The following SHISA6 variants were observed in gnomAD, a reference collection of about 807,000 sequenced individuals.
The protein encoded by SHISA6 is shisa family member 6.
In SHISA6, 22 loss-of-function variants were observed where a neutral mutation model predicts 47.9. That is an observed-to-expected ratio of 0.46 (90% confidence interval 0.33 to 0.66). The LOEUF (loss-of-function observed/expected upper bound fraction) is 0.66, where lower values mean the gene tolerates loss of function less well. SHISA6 is among the 30% of genes least tolerant of loss of function. The probability of loss-of-function intolerance (pLI) is 0.02; values close to 1 mark genes in which losing one functional copy is unlikely to be tolerated. For synonymous variants in SHISA6, 388 were observed against 337.8 expected (o/e 1.15, Z -1.63); for missense variants, 680 against 764.6 (o/e 0.89, Z 1.30).
At chr17:11,250,970 T>C (rs1907780003) in intron 1 of SHISA6, among the ~76,000 whole-genome samples, 1 of 152,060 alleles carries the variant, frequency 6.6e-6, no homozygotes, top group South Asian at 2.1e-4. Flanking sequence ...CTAACCTGCA[T>C]TATCTCGCTG....
intron 3 of SHISA6, among the ~76,000 whole-genome samples, chr17:11,491,782 T>TTTG (rs1916491762): frequency 2.0e-5 from 3 of 150,342 alleles, no homozygotes; most frequent in South Asian, 2.1e-4. Flanking sequence ...TTTTTTTTTT[T>TTTG]TTTTTTTGAG....
intron 2 of SHISA6, among the ~76,000 whole-genome samples, chr17:11,302,626 G>T (rs911911665): frequency 3.3e-5 from 5 of 152,200 alleles, no homozygotes; most frequent in Non-Finnish European, 5.9e-5. Flanking sequence ...TGAGGAAATA[G>T]CCTGAGTGCA....
intron 2 of SHISA6, among the ~76,000 whole-genome samples, chr17:11,378,614 T>G (rs956439652): frequency 6.6e-6 from 1 of 152,224 alleles, no homozygotes; most frequent in African/African-American, 2.4e-5. Context: ...ATTTTGAATG[T>G]CAGAAGTAGA....
intron 5 of SHISA6, 147 bp downstream of exon 5, chr17:11,556,039 C>T (rs1015987409): frequency 1.8e-6 from 2 of 1,096,532 alleles, no homozygotes; most frequent in African/African-American, 3.2e-5. Flanking sequence ...AGAGAATAGA[C>T]AAGCTCTTTG....
At chr17:11,414,825 C>G (rs569549292) in intron 3 of SHISA6, among the ~76,000 whole-genome samples, 2 of 152,274 alleles carry the variant, frequency 1.3e-5, no homozygotes, top group East Asian at 3.9e-4. Flanking sequence ...TGGTGGCTCA[C>G]GCCTGTAATC....
intron 2 of SHISA6, among the ~76,000 whole-genome samples, chr17:11,346,931 ATGTAATGAAT>A (rs1188150026): frequency 6.6e-6 from 1 of 152,170 alleles, no homozygotes; most frequent in African/African-American, 2.4e-5. Context: ...GTATCATTTG[ATGTAATGAAT>A]TGTTCTTTGA....
chr17:11,507,514 C>A (rs541127850), intron 3 of SHISA6, among the ~76,000 whole-genome samples: 1 of 152,338 alleles, frequency 6.6e-6, no homozygotes, highest in South Asian at 2.1e-4. Context: ...GTTTCCCACC[C>A]GCTGAGGAAA....
intron 3 of SHISA6, among the ~76,000 whole-genome samples, chr17:11,504,432 C>T (rs367897579): frequency 2.0e-5 from 3 of 152,128 alleles, no homozygotes; most frequent in East Asian, 3.9e-4. Flanking sequence ...CTGTCCTGAT[C>T]GTAGGAGCCC....
At chr17:11,502,734 T>A (rs2071465676) in intron 3 of SHISA6, among the ~76,000 whole-genome samples, 2 of 152,078 alleles carry the variant, frequency 1.3e-5, no homozygotes, top group Admixed American at 6.6e-5. Context: ...CTCAAAAAAA[T>A]AAATAAATAA....
At chr17:11,452,847 C>T (rs1434951758) in intron 3 of SHISA6, among the ~76,000 whole-genome samples, 4 of 151,440 alleles carry the variant, frequency 2.6e-5, no homozygotes, top group Admixed American at 2.6e-4. Flanking sequence ...TTCCTCTACT[C>T]CTTGTTCTCC....
chr17:11,450,185 C>T (rs1056326428), intron 3 of SHISA6, among the ~76,000 whole-genome samples: 2 of 152,112 alleles, frequency 1.3e-5, no homozygotes, highest in South Asian at 4.1e-4. Flanking sequence ...CATGCCCAGC[C>T]GGATCTCTTC....
At chr17:11,498,054 G>C (rs1182479478) in intron 3 of SHISA6, among the ~76,000 whole-genome samples, 1 of 152,146 alleles carries the variant, frequency 6.6e-6, no homozygotes, top group East Asian at 1.9e-4. Flanking sequence ...GTGGGAACTG[G>C]GGGAATGTTA....
chr17:11,271,868 A>C (rs1597432796), intron 2 of SHISA6, among the ~76,000 whole-genome samples: 2 of 149,874 alleles, frequency 1.3e-5, no homozygotes, highest in Non-Finnish European at 3.0e-5. Flanking sequence ...CTGGACTTCC[A>C]CCCTTCCCCT....
chr17:11,256,663 A>G lies in SHISA6; in HGVS notation c.639-6703A>G, dbSNP rs571032917. 2.1e-3 allele frequency among the ~76,000 whole-genome samples: 313 copies of G among 152,158 alleles called. 1 individual carries two copies. The highest frequency in any genetic ancestry group is 3.5e-3 in the Non-Finnish European group (236 of 68,018). ...GCATTTTTTGGTTTCCCAGCTTCCA[A>G]TAATAATAGGTGCACCTGACACATC... On this transcript the variant is annotated intron_variant, in intron 1 of 5. Coordinates refer to ENST00000441885, the MANE Select transcript of SHISA6 (RefSeq NM_207386.4).
chr17:11,352,911 C>T (rs1911936788), intron 2 of SHISA6, among the ~76,000 whole-genome samples: 1 of 152,180 alleles, frequency 6.6e-6, no homozygotes. Context: ...TTGCATTCTT[C>T]TATAAACAGT....
intron 1 of SHISA6, among the ~76,000 whole-genome samples, chr17:11,258,395 G>A (rs1180643778): frequency 6.6e-6 from 1 of 152,192 alleles, no homozygotes; most frequent in Non-Finnish European, 1.5e-5. Flanking sequence ...GGTCCTCATG[G>A]AGGGCATGTT....
At chr17:11,489,325 T>G (rs1040141907) in intron 3 of SHISA6, among the ~76,000 whole-genome samples, 1 of 152,116 alleles carries the variant, frequency 6.6e-6, no homozygotes, top group African/African-American at 2.4e-5. Flanking sequence ...CTTTTATCTA[T>G]TTTTTGCAAA....
At chr17:11,363,579 C>T (rs1158272549) in intron 2 of SHISA6, among the ~76,000 whole-genome samples, 1 of 152,134 alleles carries the variant, frequency 6.6e-6, no homozygotes, top group Non-Finnish European at 1.5e-5. Context: ...CAGTTGCCTT[C>T]CTCTTGTTGT....
intron 3 of SHISA6, among the ~76,000 whole-genome samples, chr17:11,472,138 C>G (rs958605860): frequency 6.6e-6 from 1 of 152,150 alleles, no homozygotes; most frequent in African/African-American, 2.4e-5. Context: ...TTACTATTTA[C>G]ATGGTTTTTT....
Sources: gnomAD v4.1 joint callset for allele counts (sites outside exome capture counted in the v4.1 genomes callset) on GRCh38, gnomAD v4.1.1 for gene constraint, MANE v1.5 for transcripts, NCBI Gene and HGNC (gene_info 2026-07-23, HGNC 2026-07-21) for gene names.